PRDM15: variants seen among roughly 807,000 people sequenced by gnomAD.
PRDM15 encodes PR/SET domain 15.
Under a neutral mutation model 128.6 loss-of-function variants are expected in PRDM15, and 64 were observed. That is an observed-to-expected ratio of 0.50 (90% CI 0.41 to 0.61). The LOEUF (loss-of-function observed/expected upper bound fraction) is 0.61, where lower values mean the gene tolerates loss of function less well. Ranked by LOEUF, PRDM15 falls within the 20% of genes least tolerant of loss-of-function variation. The probability of loss-of-function intolerance (pLI) is 0.00; values close to 1 mark genes in which losing one functional copy is unlikely to be tolerated. For missense variants in PRDM15, 1,242 were observed against 1,569.1 expected, an observed-to-expected ratio of 0.79 and a Z score of 3.52; for synonymous variants, 615 against 621.8, an observed-to-expected ratio of 0.99 and a Z score of 0.16.
intron 22 of PRDM15, 24 bp downstream of exon 22, chr21:41,804,510 C>T (rs200186659): frequency 1.3e-6 from 2 of 1,548,328 alleles, no homozygotes; most frequent in South Asian, 2.4e-5. Flanking sequence ...AGTTTCTGAG[C>T]CCCTGGGGCC....
chr21:41,800,034 T>G lies in PRDM15; in HGVS notation c.*1206A>C, dbSNP rs1229179134. On this transcript the variant is annotated 3_prime_UTR_variant, in exon 24 of 24. Coordinates refer to ENST00000398548, the MANE Select transcript of PRDM15 (RefSeq NM_001040424.3). ...ATTCAGTTTTAGGGGCAATTAATGC[T>G]TCTATTAGTGAACTAACCTCTCTGC... The G allele has an allele frequency of 6.6e-6, 1 of 152,222 alleles. No homozygotes were observed. The highest frequency in any genetic ancestry group is 2.1e-4 in the South Asian group (1 of 4,828). The allele number at this position is 152,222 out of a possible 1,614,324, so 9.4% of individuals were successfully genotyped here. A position where few individuals can be genotyped will look rare whatever the true frequency, so the allele number is the denominator to read the frequency against.
chr21:41,837,903 AG>A, intron 8 of PRDM15, 30 bp downstream of exon 8: 1 of 1,613,542 alleles, frequency 6.2e-7, no homozygotes. Flanking sequence ...GTCTGTCCAC[AG>A]GACGGCCCCA....
At chr21:41,808,975 G>A (rs1482802387) in intron 21 of PRDM15, among the ~76,000 whole-genome samples, 1 of 152,226 alleles carries the variant, frequency 6.6e-6, no homozygotes, top group African/African-American at 2.4e-5. Context: ...CGGCCAGTGT[G>A]GTCACTCTGA....
Position 41,821,809 on chromosome 21 carries a change from T to C in PRDM15, c.1896+94A>G, listed in dbSNP as rs1484378700. ...TGGGGAGGGAGGGCTGCTTCCGAGATGCATGAAGGTGCCTGCTGTGTGGGG... is the reference window on the plus strand; with the variant it reads ...TGGGGAGGGAGGGCTGCTTCCGAGACGCATGAAGGTGCCTGCTGTGTGGGG... On this transcript the variant is annotated intron_variant, in intron 15 of 23. Coordinates refer to ENST00000398548, the MANE Select transcript of PRDM15 (RefSeq NM_001040424.3). This position sits in a 1 kb window ranked among gnomAD's most constrained non-coding sequence, Gnocchi z 5.4. 10 of 1,481,852 alleles carry C rather than the reference T, an allele frequency of 6.7e-6. No individual in the cohort carries two copies. The highest frequency in any genetic ancestry group is 1.4e-5 in the African/African-American group (1 of 72,200). The allele number at this position is 1,481,852 out of a possible 1,614,324, so 91.8% of individuals were successfully genotyped here.
Position 41,879,013 on chromosome 21 carries a change from C to T in PRDM15, c.-10+257G>A. The stretch of plus-strand genomic sequence containing the variant: ...GGCGGGACCCGGCGGGCGGGCGGCG[C>T]GCAGGGCGATCCCGGAGCGGCTCCG... On this transcript the variant is annotated intron_variant, in intron 1 of 23. Coordinates refer to ENST00000398548, the MANE Select transcript of PRDM15 (RefSeq NM_001040424.3). This position sits in a 1 kb window ranked among gnomAD's most constrained non-coding sequence, Gnocchi z 5.1. The T allele has an allele frequency of 9.6e-7, 1 of 1,042,764 alleles. No homozygotes were observed. Among genetic ancestry groups the T allele is most frequent in the Non-Finnish European group, 1.2e-6 (1 of 856,454 alleles). 64.6% of individuals were successfully genotyped at this position (1,042,764 alleles called of 1,614,324 possible). A position where few individuals can be genotyped will look rare whatever the true frequency, so the allele number is the denominator to read the frequency against.
chr21:41,855,592 A>C (rs1482065072), intron 4 of PRDM15, among the ~76,000 whole-genome samples: 2 of 152,182 alleles, frequency 1.3e-5, no homozygotes, highest in African/African-American at 4.8e-5. Flanking sequence ...GCTGCTGAGG[A>C]AGGTGTGCTC....
intron 18 of PRDM15, among the ~76,000 whole-genome samples, chr21:41,816,189 T>C (rs111532192): frequency 1.3e-5 from 2 of 152,288 alleles, no homozygotes; most frequent in African/African-American, 4.8e-5. Flanking sequence ...TGACTAAAGG[T>C]TCCCTTCAAC....
rs368772097 is a variant in PRDM15, at chr21:41,836,459, C to T, written c.1183+9G>A. The T allele has an allele frequency of 1.0e-5, 16 of 1,604,148 alleles. No homozygotes were observed. Among genetic ancestry groups the T allele is most frequent in the Admixed American group, 1.7e-5 (1 of 59,782 alleles). ...GGCCCCGGGCGCCAGCCGGGCCTCGCGGACTCACCATGCGAGCGCACGTGC... is the reference window on the plus strand; with the variant it reads ...GGCCCCGGGCGCCAGCCGGGCCTCGTGGACTCACCATGCGAGCGCACGTGC... On this transcript the variant is annotated intron_variant, in intron 9 of 23. Transcript: ENST00000398548.
intron 11 of PRDM15, among the ~76,000 whole-genome samples, chr21:41,831,645 C>T (rs966598462): frequency 2.6e-5 from 4 of 152,190 alleles, no homozygotes; most frequent in Non-Finnish European, 5.9e-5. Flanking sequence ...CAAGGCATGG[C>T]CGACAGCGAA....
chr21:41,808,337 C>T (rs971032072), intron 21 of PRDM15, among the ~76,000 whole-genome samples: 7 of 152,336 alleles, frequency 4.6e-5, no homozygotes, highest in South Asian at 2.1e-4. Flanking sequence ...CCAAGCTCCC[C>T]GCTGAGTGGG....
At chr21:41,858,885 A>G in intron 3 of PRDM15, 1 of 607,880 alleles carries the variant, frequency 1.6e-6, no homozygotes, top group Non-Finnish European at 2.9e-6. Flanking sequence ...GGCTCCTGGA[A>G]ACAGTTCTGG....
At chr21:41,818,161 G>T (rs2062117115) in intron 18 of PRDM15, among the ~76,000 whole-genome samples, 1 of 152,186 alleles carries the variant, frequency 6.6e-6, no homozygotes, top group African/African-American at 2.4e-5. Context: ...GGGGGCATTG[G>T]GGAGGAAAGG....
rs1181996186 is a variant in PRDM15, at chr21:41,879,226, G to T, written c.-10+44C>A. 2.4e-6 allele frequency: 2 copies of T among 840,072 alleles called. No individual in the cohort carries two copies. The highest frequency in any genetic ancestry group is 6.4e-5 in the Admixed American group (1 of 15,542). 52.0% of individuals were successfully genotyped at this position (840,072 alleles called of 1,614,324 possible). On this transcript the variant is annotated intron_variant, in intron 1 of 23. Coordinates refer to ENST00000398548, the MANE Select transcript of PRDM15 (RefSeq NM_001040424.3). The surrounding 1 kb of genome is among the most constrained non-coding windows in gnomAD (Gnocchi z 5.1). ...GCGGGTGCGGCCCGGGGCCGGCGGG[G>T]CGCACGCCGGGGCGGGCGGCGGGCG... is the stretch of plus-strand genomic sequence containing the variant.
In PRDM15 at chr21:41,816,720, C is replaced by T. The variant is rs79682964; in HGVS notation, c.2261-884G>A. Among the ~76,000 whole-genome samples the T allele has an allele frequency of 9.9e-4, 151 of 152,246 alleles. 3 individuals are homozygous for T. The East Asian group carries it at 0.027, about 27-fold the overall frequency. Reference sequence around the variant, plus strand: ...CCGGGCCAGAAGACCTCCCTGGCTACGAGAAAACTGCGCGGCTGGGCCAGC... The same window carrying T: ...CCGGGCCAGAAGACCTCCCTGGCTATGAGAAAACTGCGCGGCTGGGCCAGC... On this transcript the variant is annotated intron_variant, in intron 18 of 23. Coordinates refer to ENST00000398548, the MANE Select transcript of PRDM15 (RefSeq NM_001040424.3).
intron 11 of PRDM15, among the ~76,000 whole-genome samples, chr21:41,833,298 A>C (rs2062758814): frequency 1.3e-5 from 2 of 152,128 alleles, no homozygotes; most frequent in African/African-American, 4.8e-5. Context: ...AAAACCCACA[A>C]GACTGTAACA....
At chr21:41,874,011 G>A (rs990538269) in intron 1 of PRDM15, among the ~76,000 whole-genome samples, 3 of 149,974 alleles carry the variant, frequency 2.0e-5, no homozygotes, top group Admixed American at 6.7e-5. Context: ...GCAGTGAGAC[G>A]AGATGGAGAT....
rs749887247 is a variant in PRDM15, at chr21:41,822,030, G to C, written c.1769C>G (p.Ala590Gly). The C allele has an allele frequency of 1.2e-6, 2 of 1,613,958 alleles. No individual in the cohort carries two copies. The highest frequency in any genetic ancestry group is 2.2e-5 in the South Asian group (2 of 91,082). The change falls in exon 15 of 24, where the codon GCG becomes GGG. Residue 590 changes from alanine (A) to glycine (G), a missense_variant. By Grantham distance (60) the Ala-to-Gly change is moderately conservative. This residue lies in a region of PRDM15 where 602 missense variants were observed against 788.3 expected (regional missense o/e 0.76). Coordinates refer to ENST00000398548, the MANE Select transcript of PRDM15 (RefSeq NM_001040424.3). ...TTCCCTCTGGTGGTCATCCATCAAC[G>C]CGATGTCCTGGAAAACAGCCACCAC... is the stretch of plus-strand genomic sequence containing the variant. ...DHIHVHFKDIALMDDHQREEF... is the reference protein window; with the variant it reads ...DHIHVHFKDIGLMDDHQREEF...
At chr21:41,834,403 C>T in intron 11 of PRDM15, 1 of 1,094,414 alleles carries the variant, frequency 9.1e-7, no homozygotes, top group Non-Finnish European at 1.4e-6. Context: ...GTGCCCTGTT[C>T]TCAACACAGG....
Position 41,810,137 on chromosome 21 carries a change from C to T in PRDM15, c.2652+17G>A, listed in dbSNP as rs559989093. Reference sequence around the variant, plus strand: ...GCCCGCTGGCGGGGCACGGAGGGGGCACAGCCACCAGCTCACCTCGGGGTG... The same window carrying T: ...GCCCGCTGGCGGGGCACGGAGGGGGTACAGCCACCAGCTCACCTCGGGGTG... On this transcript the variant is annotated intron_variant, in intron 21 of 23. Transcript: ENST00000398548. The surrounding 1 kb of genome is among the most constrained non-coding windows in gnomAD (Gnocchi z 6.4). 5 of 1,594,310 alleles carry T rather than the reference C, an allele frequency of 3.1e-6. No individual in the cohort carries two copies. The highest frequency in any genetic ancestry group is 4.3e-6 in the Non-Finnish European group (5 of 1,170,966).
Sources: allele counts gnomAD v4.1 joint callset (sites outside exome capture counted in the v4.1 genomes callset), GRCh38; gene constraint gnomAD v4.1.1; regional missense constraint gnomAD v4.1.1; non-coding constraint Gnocchi (gnomAD v3.1); transcripts MANE v1.5; gene names NCBI Gene and HGNC (gene_info 2026-07-23, HGNC 2026-07-21).